The following WDR17 variants were observed in gnomAD, a reference collection of about 807,000 sequenced individuals.
The protein encoded by WDR17 is WD repeat-containing protein 17.
A neutral mutation model predicts 161.7 loss-of-function variants in WDR17; 143 were observed. That is an observed-to-expected ratio of 0.88 (90% CI 0.77 to 1.02). The LOEUF (loss-of-function observed/expected upper bound fraction) is 1.02. WDR17 is among the 50% of genes least tolerant of loss of function. The pLI is 0.00. For missense variants in WDR17, 1,469 were observed against 1,520.9 expected (o/e 0.97, Z 0.57); for synonymous variants, 517 against 515.6 (o/e 1.00, Z -0.04).
chr4:176,130,480 C>T (rs1178126149), intron 6 of WDR17, among the ~76,000 whole-genome samples: 2 of 152,162 alleles, frequency 1.3e-5, no homozygotes, highest in East Asian at 3.9e-4. Flanking sequence ...CGCGGTGGCT[C>T]ATGCCTGTAA....
chr4:176,100,675 G>C (rs1406470692), intron 1 of WDR17, among the ~76,000 whole-genome samples: 1 of 151,986 alleles, frequency 6.6e-6, no homozygotes, highest in African/African-American at 2.4e-5. Flanking sequence ...ATGTCCATAA[G>C]AGTTTCCCCT....
chr4:176,076,018 A>T (rs1733923754), intron 1 of WDR17, among the ~76,000 whole-genome samples: 2 of 151,968 alleles, frequency 1.3e-5, no homozygotes, highest in African/African-American at 2.4e-5. Context: ...CTTCAGTTTA[A>T]TAAAGTTATT....
Position 176,151,825 on chromosome 4 carries a change from A to G in WDR17, c.2318A>G (p.Glu773Gly). The G allele has an allele frequency of 3.2e-6, 5 of 1,582,798 alleles. No individual in the cohort carries two copies. Among genetic ancestry groups the G allele is most frequent in the Non-Finnish European group, 4.3e-6 (5 of 1,169,522 alleles). Reference protein sequence around the residue: ...LIKFRTSEAQELTTVKMSKFG... With the variant: ...LIKFRTSEAQGLTTVKMSKFG... ...TTTTAAAACCAGTCTGAAGCTCAAGAACTAACAACAGTCAAGATGTCTAAA... is the reference window on the plus strand; with the variant it reads ...TTTTAAAACCAGTCTGAAGCTCAAGGACTAACAACAGTCAAGATGTCTAAA... Residue 773 changes from glutamate (E) to glycine (G), a missense_variant, in exon 17 of 29, where the codon GAA becomes GGA. Coordinates refer to ENST00000508596, the MANE Select transcript of WDR17 (RefSeq NM_181265.4).
At chr4:176,120,122 C>A in intron 4 of WDR17, 25 bp downstream of exon 4, 2 of 1,541,764 alleles carry the variant, frequency 1.3e-6, no homozygotes, top group Non-Finnish European at 1.8e-6. Flanking sequence ...AGCAAGGTAT[C>A]TTAAATAGTA....
intron 13 of WDR17, 85 bp from the exon 14 acceptor site, chr4:176,149,722 T>G: frequency 6.6e-7 from 1 of 1,525,838 alleles, no homozygotes; most frequent in African/African-American, 1.4e-5. Context: ...TAGCTTCAAT[T>G]CTGTAGAAGT....
rs72706355 is a variant in WDR17 at position 176,174,622 on chromosome 4, G to A, written c.3353G>A (p.Arg1118Gln). The A allele has an allele frequency of 0.022, 34,713 of 1,603,080 alleles. 544 individuals carry two copies. Among genetic ancestry groups the A allele is most frequent in the South Asian group, 0.069 (6,096 of 88,634 alleles). ...KLLLHTCTEARNELLILCGYI... is the reference protein window; with the variant it reads ...KLLLHTCTEAQNELLILCGYI... ...ATAAATATATTCTCTTTTAGAGCTC[G>A]AAATGAGTTGCTGATATTATGTGGT... is the stretch of plus-strand genomic sequence containing the variant. Residue 1118 changes from arginine to glutamine, a missense_variant, in exon 26 of 29, where the codon CGA becomes CAA. Coordinates refer to ENST00000508596, the MANE Select transcript of WDR17 (RefSeq NM_181265.4).
In WDR17 at chr4:176,181,298, C is replaced by T. The variant is rs1376049232; in HGVS notation, c.*1719C>T. 1 of 153,820 alleles carries T rather than the reference C, an allele frequency of 6.5e-6. No individual in the cohort carries two copies. The highest frequency in any genetic ancestry group is 1.4e-5 in the Non-Finnish European group (1 of 69,572). 9.5% of individuals were successfully genotyped at this position (153,820 alleles called of 1,614,324 possible). A position where few individuals can be genotyped will look rare whatever the true frequency, so the allele number is the denominator to read the frequency against. On this transcript the variant is annotated 3_prime_UTR_variant, in exon 29 of 29. Coordinates refer to ENST00000508596, the MANE Select transcript of WDR17 (RefSeq NM_181265.4). ...CCTGGCCAACATGGTGAAACCCTGT[C>T]TCTACTAAAAATACAAAAATTAGCT...
At chr4:176,174,307 C>T (rs1394152658) in intron 25 of WDR17, among the ~76,000 whole-genome samples, 1 of 152,068 alleles carries the variant, frequency 6.6e-6, no homozygotes, top group Non-Finnish European at 1.5e-5. Flanking sequence ...ACTCCCTCCA[C>T]CTGACCAAAG....
At chr4:176,087,154 A>G (rs1455139748) in intron 1 of WDR17, among the ~76,000 whole-genome samples, 2 of 151,944 alleles carry the variant, frequency 1.3e-5, no homozygotes, top group Non-Finnish European at 2.9e-5. Flanking sequence ...ATGATCTTCA[A>G]TATTTCTAAC....
chr4:176,076,408 G>GTTTTTTTTT, intron 1 of WDR17, among the ~76,000 whole-genome samples: 1 of 109,366 alleles, frequency 9.1e-6, no homozygotes, highest in Non-Finnish European at 1.8e-5. Flanking sequence ...GTCGTTGTTG[G>GTTTTTTTTT]TTTTTTTTTT....
intron 22 of WDR17, among the ~76,000 whole-genome samples, chr4:176,164,581 G>T (rs971843289): frequency 6.6e-6 from 1 of 152,066 alleles, no homozygotes; most frequent in African/African-American, 2.4e-5. Context: ...ATCCAAAAAA[G>T]TCTGAAATCT....
chr4:176,130,700 A>G (rs201328431), intron 6 of WDR17, among the ~76,000 whole-genome samples: 50 of 150,502 alleles, frequency 3.3e-4, no homozygotes, highest in East Asian at 2.4e-3. Context: ...AGCCGAGATC[A>G]TGCCACAGCA....
chr4:176,176,973 T>C, intron 26 of WDR17, 85 bp from the exon 27 acceptor site: 1 of 907,992 alleles, frequency 1.1e-6, no homozygotes, highest in Non-Finnish European at 1.8e-6. Context: ...AATATATAAA[T>C]CTAAAATCAC....
At position 176,179,709 on chromosome 4, in the gene WDR17, T is replaced by C; in HGVS notation, c.*130T>C. 1 of 804,782 alleles carries C rather than the reference T, an allele frequency of 1.2e-6. No individual in the cohort carries two copies. 49.9% of individuals were successfully genotyped at this position (804,782 alleles called of 1,614,324 possible). A position where few individuals can be genotyped will look rare whatever the true frequency, so the allele number is the denominator to read the frequency against. ...ATTGCAGGTTGGGAGAGGTGGGAAA[T>C]AGCAGTGAATTTTAGTCATTAACTT... On this transcript the variant is annotated 3_prime_UTR_variant, in exon 29 of 29. Coordinates refer to ENST00000508596, the MANE Select transcript of WDR17 (RefSeq NM_181265.4).
Position 176,177,047 on chromosome 4 carries a change from C to T in WDR17, c.3450-11C>T. The T allele has an allele frequency of 6.2e-7, 1 of 1,603,228 alleles. No homozygotes were observed. The highest frequency in any genetic ancestry group is 8.5e-7 in the Non-Finnish European group (1 of 1,171,420). ...TGGTATCAGATGTTAATTTCCTTTT[C>T]ACACGTTCAGTCAGCTATTAAAACG... On this transcript the variant is annotated splice_polypyrimidine_tract_variant and intron_variant, in intron 26 of 28. Coordinates refer to ENST00000508596, the MANE Select transcript of WDR17 (RefSeq NM_181265.4).
chr4:176,102,149 A>G (rs1008076662), intron 1 of WDR17, among the ~76,000 whole-genome samples: 2 of 152,228 alleles, frequency 1.3e-5, no homozygotes, highest in Non-Finnish European at 2.9e-5. Flanking sequence ...CAAATAATTT[A>G]TATAACTCAG....
At chr4:176,084,955 C>CA (rs1311611767) in intron 1 of WDR17, among the ~76,000 whole-genome samples, 1 of 151,506 alleles carries the variant, frequency 6.6e-6, no homozygotes, top group Non-Finnish European at 1.5e-5. Context: ...TTCCATTAGT[C>CA]AGTTTGTGTA....
intron 1 of WDR17, chr4:176,098,089 A>G (rs1737192991): frequency 6.6e-6 from 1 of 151,594 alleles, no homozygotes; most frequent in Non-Finnish European, 1.5e-5. Flanking sequence ...GATGAAAATG[A>G]AAGATCCTAT....
chr4:176,176,081 A>AT (rs2126895617), intron 26 of WDR17, among the ~76,000 whole-genome samples: 1 of 152,360 alleles, frequency 6.6e-6, no homozygotes, highest in South Asian at 2.1e-4. Context: ...GTATTAAAAG[A>AT]TATTATAGGA....
Sources: gnomAD v4.1 joint callset for allele counts (sites outside exome capture counted in the v4.1 genomes callset) on GRCh38, gnomAD v4.1.1 for gene constraint, MANE v1.5 for transcripts, NCBI Gene and HGNC (gene_info 2026-07-23, HGNC 2026-07-21) for gene names.